Variants in MAGI1 observed in about 807,000 individuals in gnomAD.
MAGI1 encodes membrane associated guanylate kinase, WW and PDZ domain containing 1.
Under a neutral mutation model 139.9 loss-of-function variants are expected in MAGI1, and 58 were observed. That is an observed-to-expected ratio of 0.41 (90% CI 0.34 to 0.52). MAGI1 has a LOEUF of 0.52. Among genes scored for constraint, MAGI1 ranks in the 20% least tolerant of loss-of-function variants. MAGI1 has a pLI of 0.12. For synonymous variants in MAGI1, 812 were observed against 737.9 expected (o/e 1.10, Z -1.63); for missense variants, 1,874 against 1,901.6 (o/e 0.99, Z 0.27).
chr3:65,484,910 C>T (rs569162431), intron 3 of MAGI1, among the ~76,000 whole-genome samples: 1 of 152,178 alleles, frequency 6.6e-6, no homozygotes, highest in Non-Finnish European at 1.5e-5. Context: ...TTAATCAGTA[C>T]CTGTCTTCAC....
chr3:65,737,364 G>C (rs2034855560), intron 1 of MAGI1, among the ~76,000 whole-genome samples: 1 of 152,314 alleles, frequency 6.6e-6, no homozygotes, highest in South Asian at 2.1e-4. Flanking sequence ...TGGATGGATG[G>C]ACAGATGGAT....
chr3:66,030,156 C>T (rs537236855), intron 1 of MAGI1, among the ~76,000 whole-genome samples: 1 of 152,256 alleles, frequency 6.6e-6, no homozygotes, highest in Non-Finnish European at 1.5e-5. Flanking sequence ...CTGAAGCAGG[C>T]CAGCAATGTT....
intron 14 of MAGI1, among the ~76,000 whole-genome samples, chr3:65,388,466 T>A (rs570495722): frequency 6.6e-6 from 1 of 152,062 alleles, no homozygotes; most frequent in Non-Finnish European, 1.5e-5. Flanking sequence ...GGCTATACAC[T>A]TTTTTCTCTT....
At position 65,554,265 on chromosome 3, in the gene MAGI1, A is replaced by T. The variant is rs1370150968; in HGVS notation, c.431-60634T>A. Among the ~76,000 whole-genome samples, 4 of 152,306 alleles carry T rather than the reference A, an allele frequency of 2.6e-5. No homozygotes were observed. In the East Asian group the frequency reaches 7.7e-4, roughly 29 times the overall value. On this transcript the variant is annotated intron_variant, in intron 2 of 22. Coordinates refer to ENST00000402939, the MANE Select transcript of MAGI1 (RefSeq NM_001033057.2). ...CATGCAGTGCTTGCTAAATATTAGC[A>T]AATATAACAGTAATAATCATCAAAA...
At chr3:65,724,738 T>C (rs1185659509) in intron 1 of MAGI1, among the ~76,000 whole-genome samples, 2 of 152,166 alleles carry the variant, frequency 1.3e-5, no homozygotes, top group Non-Finnish European at 2.9e-5. Flanking sequence ...CTTACAATTA[T>C]GGCGGAAGGG....
At chr3:65,442,906 G>A (rs1310984907) in intron 7 of MAGI1, 57 bp from the exon 8 acceptor site, 2 of 1,347,760 alleles carry the variant, frequency 1.5e-6, no homozygotes, top group Non-Finnish European at 2.1e-6. Context: ...GAGCCTGGGT[G>A]TTTTCAACAA....
chr3:65,473,211 G>C (rs1340331350), intron 4 of MAGI1, among the ~76,000 whole-genome samples: 2 of 152,064 alleles, frequency 1.3e-5, no homozygotes, highest in African/African-American at 4.8e-5. Context: ...CTGTCCCCCA[G>C]CCTGCAAATA....
At chr3:65,777,351 G>A (rs187707951) in intron 1 of MAGI1, among the ~76,000 whole-genome samples, 7 of 152,194 alleles carry the variant, frequency 4.6e-5, no homozygotes, top group Non-Finnish European at 1.0e-4. Flanking sequence ...GATGTACTTA[G>A]ACGAATGACT....
At chr3:65,871,845 T>C (rs973104354) in intron 1 of MAGI1, among the ~76,000 whole-genome samples, 8 of 152,226 alleles carry the variant, frequency 5.3e-5, no homozygotes, top group Admixed American at 4.6e-4. Context: ...CACGCAGTCA[T>C]TGTCCCTTAT....
chr3:65,834,004 C>A (rs748972719), intron 1 of MAGI1, among the ~76,000 whole-genome samples: 4 of 152,214 alleles, frequency 2.6e-5, no homozygotes, highest in African/African-American at 7.2e-5. Context: ...AATTCTTACT[C>A]AGCACCTACT....
intron 1 of MAGI1, among the ~76,000 whole-genome samples, chr3:65,936,915 T>G (rs3821907): frequency 0.49 from 72,746 of 147,066 alleles, 18,845 homozygotes; most frequent in East Asian, 0.8. Flanking sequence ...GTTGTTGTTG[T>G]TGTTGGTGGT....
At chr3:65,509,550 A>C (rs986700834) in intron 2 of MAGI1, among the ~76,000 whole-genome samples, 11 of 152,182 alleles carry the variant, frequency 7.2e-5, no homozygotes, top group Non-Finnish European at 1.5e-5. Context: ...TGACGGACGC[A>C]CCTGGAAAAT....
chr3:65,515,238 A>ACTAACAT (rs2077807729), intron 2 of MAGI1, among the ~76,000 whole-genome samples: 1 of 142,742 alleles, frequency 7.0e-6, no homozygotes. Context: ...GCAGCACACC[A>ACTAACAT]GCATGGCGCA....
At chr3:65,470,885 C>G (rs1950520100) in intron 4 of MAGI1, among the ~76,000 whole-genome samples, 1 of 152,112 alleles carries the variant, frequency 6.6e-6, no homozygotes, top group Admixed American at 6.5e-5. Context: ...GATGTTTGGG[C>G]ACAAAAAAGT....
chr3:65,647,310 T>C (rs964486061), intron 1 of MAGI1, among the ~76,000 whole-genome samples: 29 of 152,146 alleles, frequency 1.9e-4, no homozygotes, highest in African/African-American at 7.0e-4. Flanking sequence ...TCATCCCATA[T>C]AAAATATATA....
At chr3:65,844,855 C>G (rs2058931630) in intron 1 of MAGI1, among the ~76,000 whole-genome samples, 1 of 152,180 alleles carries the variant, frequency 6.6e-6, no homozygotes, top group African/African-American at 2.4e-5. Context: ...CCAGGGATCC[C>G]TAACTCCACT....
intron 1 of MAGI1, among the ~76,000 whole-genome samples, chr3:65,932,075 CTAA>C (rs1207557049): frequency 6.6e-6 from 1 of 152,176 alleles, no homozygotes; most frequent in Non-Finnish European, 1.5e-5. Context: ...ATCGAGTTTT[CTAA>C]TGTTTGTGGA....
chr3:65,449,751 G>A (rs1948910643), intron 6 of MAGI1, among the ~76,000 whole-genome samples: 1 of 152,022 alleles, frequency 6.6e-6, no homozygotes, highest in Admixed American at 6.6e-5. Context: ...CTCCAGCCTG[G>A]GTAACAGGGC....
chr3:65,874,275 G>A (rs1003352791), intron 1 of MAGI1: 2 of 152,124 alleles, frequency 1.3e-5, no homozygotes, highest in South Asian at 2.1e-4. Flanking sequence ...GGTAAACTCT[G>A]TCTCAAAAAA....
Sources: gnomAD v4.1 joint callset for allele counts (sites outside exome capture counted in the v4.1 genomes callset) on GRCh38, gnomAD v4.1.1 for gene constraint, MANE v1.5 for transcripts, NCBI Gene and HGNC (gene_info 2026-07-23, HGNC 2026-07-21) for gene names.